Variants in CCDC73 observed in about 807,000 individuals in gnomAD.
CCDC73 encodes the protein coiled-coil domain-containing protein 73.
In CCDC73, 95 loss-of-function variants were observed where a neutral mutation model predicts 116.5. That is an observed-to-expected ratio of 0.82 (90% CI 0.69 to 0.97). CCDC73 has a LOEUF of 0.97. Ranked by LOEUF, CCDC73 falls within the 50% of genes least tolerant of loss-of-function variation. CCDC73 has a pLI of 0.00. For synonymous variants in CCDC73, 398 were observed against 401.3 expected (o/e 0.99, Z 0.10); for missense variants, 1,066 against 1,206.8 (o/e 0.88, Z 1.73).
intron 14 of CCDC73, among the ~76,000 whole-genome samples, chr11:32,625,315 T>G (rs1855560586): frequency 2.0e-5 from 3 of 152,350 alleles, no homozygotes; most frequent in Admixed American, 6.5e-5. Context: ...AAGTTGATCC[T>G]GTCATTATGA....
chr11:32,799,219 G>A (rs1453053782), upstream of CCDC73, among the ~76,000 whole-genome samples: 4 of 151,470 alleles, frequency 2.6e-5, no homozygotes, highest in East Asian at 3.9e-4. Context: ...AGCTTCCTGA[G>A]TAGCTGGGAT....
intron 3 of CCDC73, among the ~76,000 whole-genome samples, chr11:32,703,457 GAA>G (rs561438665): frequency 7.0e-6 from 1 of 142,272 alleles, no homozygotes; most frequent in Admixed American, 7.0e-5. Flanking sequence ...CTTTTTTCAT[GAA>G]AAAAAAAAAC....
At position 32,791,964 on chromosome 11, in the gene CCDC73, C is replaced by CA. The variant is rs527497163; in HGVS notation, c.-16+2648dup. On this transcript the variant is annotated intron_variant, in intron 1 of 17. Transcript: ENST00000335185. ...TGGGCAACAGAGCCAGACCCTGTCT[C>CA]AAAAAAAAAAACCACACACACACAC... Among the ~76,000 whole-genome samples the CA allele has an allele frequency of 4.2e-3, 579 of 137,798 alleles. 2 individuals are homozygous for CA. The highest frequency in any genetic ancestry group is 0.015 in the South Asian group (62 of 4,110). The allele number at this position is 137,798 out of a possible 152,430, so 90.4% of individuals were successfully genotyped here. A position where few individuals can be genotyped will look rare whatever the true frequency, so the allele number is the denominator to read the frequency against.
At chr11:32,700,350 T>C (rs950127219) in intron 5 of CCDC73, among the ~76,000 whole-genome samples, 4 of 152,234 alleles carry the variant, frequency 2.6e-5, no homozygotes, top group Non-Finnish European at 5.9e-5. Flanking sequence ...GTTGGAGCTT[T>C]ATCCCCTTTG....
intron 1 of CCDC73, among the ~76,000 whole-genome samples, chr11:32,781,199 C>T (rs939502157): frequency 3.3e-5 from 5 of 151,960 alleles, no homozygotes; most frequent in Non-Finnish European, 7.4e-5. Flanking sequence ...TTAGAAACAT[C>T]AATAATAATA....
chr11:32,644,435 A>G (rs1220566927), intron 12 of CCDC73, among the ~76,000 whole-genome samples: 1 of 151,666 alleles, frequency 6.6e-6, no homozygotes, highest in East Asian at 1.9e-4. Flanking sequence ...CAATTTACCT[A>G]TGTAACAAAC....
chr11:32,823,398 C>T, the CCDC73 span, among the ~76,000 whole-genome samples: 3 of 152,046 alleles, frequency 2.0e-5, no homozygotes, highest in East Asian at 1.9e-4. Flanking sequence ...CGCTTGAACC[C>T]GGGAGGTGGA....
chr11:32,689,738 G>A (rs760390408), intron 6 of CCDC73, among the ~76,000 whole-genome samples: 2 of 152,144 alleles, frequency 1.3e-5, no homozygotes, highest in African/African-American at 2.4e-5. Context: ...ACTCACGGCT[G>A]TAATCCCAGC....
chr11:32,746,892 T>A (rs1850244040), intron 2 of CCDC73, among the ~76,000 whole-genome samples: 1 of 152,114 alleles, frequency 6.6e-6, no homozygotes, highest in Admixed American at 6.5e-5. Context: ...CTCGGAGAAG[T>A]TTGTTATTAC....
rs1315156743 is a variant in CCDC73 at position 32,614,852 on chromosome 11, G to GT, written c.1465dup (p.Thr489AsnfsTer6). The GT allele has an allele frequency of 1.2e-6, 2 of 1,612,672 alleles. No homozygotes were observed. ...AATTACTTCTTTATCTAAGGAGAGGGTTTTGCTTAAGGAGATTTCACTTTG... is the reference window on the plus strand; with the variant it reads ...AATTACTTCTTTATCTAAGGAGAGGGTTTTTGCTTAAGGAGATTTCACTTTG... On this transcript the variant is annotated frameshift_variant, in exon 16 of 18. Transcript: ENST00000335185. LOFTEE classifies it high-confidence loss of function.
the CCDC73 span, among the ~76,000 whole-genome samples, chr11:32,808,619 AC>A: frequency 1.9e-4 from 28 of 151,280 alleles, no homozygotes; most frequent in African/African-American, 6.6e-4. Context: ...AGCCTAGGAG[AC>A]ATAGCGAGAC....
At chr11:32,779,846 G>A (rs1850567658) in intron 1 of CCDC73, among the ~76,000 whole-genome samples, 2 of 152,118 alleles carry the variant, frequency 1.3e-5, no homozygotes, top group Admixed American at 6.6e-5. Context: ...AGGTATACAG[G>A]TTAATAAACA....
chr11:32,824,035 C>A, the CCDC73 span, among the ~76,000 whole-genome samples: 1 of 152,148 alleles, frequency 6.6e-6, no homozygotes, highest in Non-Finnish European at 1.5e-5. Flanking sequence ...GCTGGGATTA[C>A]AGGCATGCAT....
At chr11:32,603,345 G>C (rs1215149519) in intron 17 of CCDC73, 4 of 220,424 alleles carry the variant, frequency 1.8e-5, no homozygotes, top group Non-Finnish European at 2.7e-5. Context: ...ATGTTTTCAA[G>C]ACACTGTATT....
intron 1 of CCDC73, among the ~76,000 whole-genome samples, chr11:32,793,769 C>T (rs973110847): frequency 6.6e-6 from 1 of 151,988 alleles, no homozygotes; most frequent in African/African-American, 2.4e-5. Flanking sequence ...CGCCACCACG[C>T]CCGGCTAATT....
At chr11:32,695,334 A>G (rs1856300310) in intron 6 of CCDC73, among the ~76,000 whole-genome samples, 1 of 148,602 alleles carries the variant, frequency 6.7e-6, no homozygotes, top group Non-Finnish European at 1.5e-5. Flanking sequence ...GCGCCACTGC[A>G]CTCCAGCCTG....
chr11:32,690,272 C>A (rs1856243083), intron 6 of CCDC73, among the ~76,000 whole-genome samples: 1 of 151,990 alleles, frequency 6.6e-6, no homozygotes, highest in South Asian at 2.1e-4. Context: ...TATTGTAATT[C>A]AATTTAGAAA....
intron 16 of CCDC73, among the ~76,000 whole-genome samples, chr11:32,611,563 T>C (rs942838376): frequency 6.6e-6 from 1 of 152,198 alleles, no homozygotes; most frequent in African/African-American, 2.4e-5. Context: ...TAAAATGTTA[T>C]CATTATTCCC....
intron 1 of CCDC73, among the ~76,000 whole-genome samples, chr11:32,790,322 C>T (rs1269932503): frequency 6.6e-6 from 1 of 152,166 alleles, no homozygotes; most frequent in African/African-American, 2.4e-5. Context: ...TCTCCTTTTC[C>T]GAACTATACT....
Sources: gnomAD v4.1 joint callset for allele counts (sites outside exome capture counted in the v4.1 genomes callset) on GRCh38, gnomAD v4.1.1 for gene constraint, MANE v1.5 for transcripts, NCBI Gene and HGNC (gene_info 2026-07-23, HGNC 2026-07-21) for gene names.